CAMK2D: variants seen among roughly 807,000 people sequenced by gnomAD.
CAMK2D encodes calcium/calmodulin-dependent protein kinase type II subunit delta.
CAMK2D carries 37 observed loss-of-function variants against 84.0 expected under a neutral mutation model. The observed-to-expected ratio is 0.44, with a 90% CI of 0.34 to 0.58. The LOEUF (loss-of-function observed/expected upper bound fraction) is 0.58. Ranked by LOEUF, CAMK2D falls within the 20% of genes least tolerant of loss-of-function variation. The probability of loss-of-function intolerance (pLI) is 0.02; values close to 1 mark genes in which losing one functional copy is unlikely to be tolerated. For missense variants in CAMK2D, 448 were observed against 652.5 expected (o/e 0.69, Z 3.41); for synonymous variants, 202 against 212.5 (o/e 0.95, Z 0.43).
chr4:113,649,455 C>G (rs2099164334), intron 3 of CAMK2D, among the ~76,000 whole-genome samples: 1 of 152,090 alleles, frequency 6.6e-6, no homozygotes, highest in Admixed American at 6.5e-5. Flanking sequence ...GCGACAAAGA[C>G]TTTTAACTCT....
chr4:113,671,616 A>G (rs1017410616), intron 2 of CAMK2D, among the ~76,000 whole-genome samples: 5 of 152,214 alleles, frequency 3.3e-5, no homozygotes, highest in Admixed American at 6.5e-5. Context: ...TGCACTGAAC[A>G]TACATGTAGT....
At chr4:113,726,811 C>T (rs1345289427) in intron 2 of CAMK2D, among the ~76,000 whole-genome samples, 2 of 152,074 alleles carry the variant, frequency 1.3e-5, no homozygotes, top group African/African-American at 2.4e-5. Context: ...TTCACTAGTA[C>T]AGAAAATATA....
At chr4:113,750,562 G>C (rs1361137168) in intron 2 of CAMK2D, among the ~76,000 whole-genome samples, 1 of 152,188 alleles carries the variant, frequency 6.6e-6, no homozygotes, top group Non-Finnish European at 1.5e-5. Context: ...GGAAATACTT[G>C]AGGAAGGAAT....
At chr4:113,684,556 G>C (rs1266085175) in intron 2 of CAMK2D, among the ~76,000 whole-genome samples, 1 of 152,150 alleles carries the variant, frequency 6.6e-6, no homozygotes, top group Non-Finnish European at 1.5e-5. Flanking sequence ...CTCAGAACAA[G>C]GGAAGAAGAT....
intron 2 of CAMK2D, among the ~76,000 whole-genome samples, chr4:113,747,569 C>A (rs189241332): frequency 5.3e-4 from 80 of 152,174 alleles, no homozygotes; most frequent in African/African-American, 1.8e-3. Flanking sequence ...TTTAAACAGT[C>A]ATTAATCCAT....
At chr4:113,501,714 T>G (rs1290195489) in intron 15 of CAMK2D, among the ~76,000 whole-genome samples, 1 of 152,052 alleles carries the variant, frequency 6.6e-6, no homozygotes, top group Non-Finnish European at 1.5e-5. Flanking sequence ...CACTGTAAAA[T>G]TAAACTAATT....
At chr4:113,760,571 C>A (rs562178171) in intron 1 of CAMK2D, among the ~76,000 whole-genome samples, 1 of 152,148 alleles carries the variant, frequency 6.6e-6, no homozygotes, top group Non-Finnish European at 1.5e-5. Flanking sequence ...CTGGGTCATA[C>A]GGCCGACACG....
At chr4:113,509,758 CCTT>C (rs2098185134) in intron 12 of CAMK2D, 83 bp from the exon 13 acceptor site, 4 of 925,736 alleles carry the variant, frequency 4.3e-6, no homozygotes, top group Middle Eastern at 2.1e-4. Flanking sequence ...GTTATTGTCT[CCTT>C]CTACCACCTT....
At chr4:113,677,657 T>A in intron 2 of CAMK2D, 1 of 278,308 alleles carries the variant, frequency 3.6e-6, no homozygotes, top group Non-Finnish European at 5.5e-6. Flanking sequence ...AAGAACTGAG[T>A]AGATTCTAGT....
intron 3 of CAMK2D, among the ~76,000 whole-genome samples, chr4:113,655,780 ATT>A (rs1385846286): frequency 2.0e-5 from 3 of 151,754 alleles, no homozygotes; most frequent in Non-Finnish European, 4.4e-5. Flanking sequence ...AGTTCTCAAT[ATT>A]TTTTCTTTTC....
At chr4:113,499,914 CA>C (rs1590221360) in intron 16 of CAMK2D, among the ~76,000 whole-genome samples, 1 of 152,090 alleles carries the variant, frequency 6.6e-6, no homozygotes, top group Non-Finnish European at 1.5e-5. Flanking sequence ...ACCAATGACT[CA>C]TACATGTAGC....
At chr4:113,484,288 A>C (rs566453522) in intron 16 of CAMK2D, among the ~76,000 whole-genome samples, 7 of 152,150 alleles carry the variant, frequency 4.6e-5, no homozygotes, top group Admixed American at 4.6e-4. Flanking sequence ...CACTTCTCTT[A>C]TAGATGACTA....
chr4:113,686,889 C>T (rs904708388), intron 2 of CAMK2D, among the ~76,000 whole-genome samples: 2 of 148,938 alleles, frequency 1.3e-5, no homozygotes, highest in East Asian at 2.0e-4. Context: ...CACACACACA[C>T]ATACACTTCA....
chr4:113,534,988 T>G lies in CAMK2D; in HGVS notation c.517+2353A>C, dbSNP rs1011695161. Reference sequence around the variant, plus strand: ...TGTCATAGCAGAGGAGATAAAACATTAAGCTCAAAAACAGACGAGATTTAA... The same window carrying G: ...TGTCATAGCAGAGGAGATAAAACATGAAGCTCAAAAACAGACGAGATTTAA... On this transcript the variant is annotated intron_variant, in intron 7 of 20. Transcript: ENST00000511664. Among the ~76,000 whole-genome samples, 13 of 152,168 alleles carry G rather than the reference T, an allele frequency of 8.5e-5. No homozygotes were observed. In the East Asian group the frequency reaches 2.5e-3, roughly 29 times the overall value.
chr4:113,643,353 A>C (rs1476156861), intron 3 of CAMK2D, among the ~76,000 whole-genome samples: 1 of 152,258 alleles, frequency 6.6e-6, no homozygotes, highest in East Asian at 1.9e-4. Flanking sequence ...AGCCAGAGGC[A>C]AGTATGATAG....
rs181556749 is a variant in CAMK2D, at chr4:113,464,814, C to T, written c.1211+715G>A. Among the ~76,000 whole-genome samples the T allele has an allele frequency of 2.6e-5, 4 of 152,326 alleles. No individual in the cohort carries two copies. In the East Asian group the frequency reaches 7.7e-4, roughly 29 times the overall value. On this transcript the variant is annotated intron_variant, in intron 17 of 20. Transcript: ENST00000511664. ...AATCTCTTTCTCTGCCCCAGAACCT[C>T]TGCAGAACTGCAAGGGAAAACATTT...
intron 2 of CAMK2D, among the ~76,000 whole-genome samples, chr4:113,663,644 TA>T (rs2099245643): frequency 6.7e-6 from 1 of 149,582 alleles, no homozygotes; most frequent in African/African-American, 2.5e-5. Flanking sequence ...GACATATACT[TA>T]AACAGAGATT....
intron 7 of CAMK2D, among the ~76,000 whole-genome samples, chr4:113,533,585 C>T (rs1229050091): frequency 6.6e-6 from 1 of 151,448 alleles, no homozygotes; most frequent in Admixed American, 6.6e-5. Context: ...TAAAAAGAAC[C>T]TTAATATCAT....
chr4:113,619,622 C>T (rs1051353186), intron 3 of CAMK2D, among the ~76,000 whole-genome samples: 6 of 152,122 alleles, frequency 3.9e-5, no homozygotes, highest in African/African-American at 1.4e-4. Context: ...GTTTCCTCTG[C>T]CTGGAATTAT....
Sources: gnomAD v4.1 joint callset for allele counts (sites outside exome capture counted in the v4.1 genomes callset) on GRCh38, gnomAD v4.1.1 for gene constraint, MANE v1.5 for transcripts, NCBI Gene and HGNC (gene_info 2026-07-23, HGNC 2026-07-21) for gene names.